Variants in ABCG1 observed in about 807,000 individuals in gnomAD.
The protein encoded by ABCG1 is ATP binding cassette subfamily G member 1, also known as ATP-binding cassette sub-family G member 1.
ABCG1 carries 29 observed loss-of-function variants against 69.2 expected under a neutral mutation model. The ratio of observed to expected loss-of-function variants is 0.42; its 90% CI spans 0.31 to 0.57. ABCG1 has a LOEUF of 0.57. Ranked by LOEUF, ABCG1 falls within the 20% of genes least tolerant of loss-of-function variation. ABCG1 has a pLI of 0.15. For synonymous variants in ABCG1, 370 were observed against 374.8 expected (o/e 0.99, Z 0.15); for missense variants, 718 against 898.1 (o/e 0.80, Z 2.56).
At chr21:42,246,250 T>C (rs1424283165) in intron 2 of ABCG1, among the ~76,000 whole-genome samples, 1 of 152,240 alleles carries the variant, frequency 6.6e-6, no homozygotes, top group African/African-American at 2.4e-5. Context: ...GCTGTAGATA[T>C]AAAGCCATTT....
intron 13 of ABCG1, among the ~76,000 whole-genome samples, chr21:42,293,326 A>G (rs1454731856): frequency 1.1e-4 from 15 of 139,052 alleles, no homozygotes; most frequent in African/African-American, 2.7e-4. Flanking sequence ...AGTACACACT[A>G]CACACCACAC....
At position 42,294,477 on chromosome 21, in the gene ABCG1, G is replaced by A; in HGVS notation, c.1654-65G>A. 3 of 1,345,932 alleles carry A rather than the reference G, an allele frequency of 2.2e-6. No homozygotes were observed. In the South Asian group the frequency reaches 3.5e-5, roughly 16 times the overall value. 83.4% of individuals were successfully genotyped at this position (1,345,932 alleles called of 1,614,324 possible). A position where few individuals can be genotyped will look rare whatever the true frequency, so the allele number is the denominator to read the frequency against. ...GCCCGGGGGAAGCTGGCGTGGGCGA[G>A]CCTCCTCTGCAGGAGGCCAGGCTGC... On this transcript the variant is annotated intron_variant, in intron 13 of 14. Coordinates refer to ENST00000398449, the MANE Select transcript of ABCG1 (RefSeq NM_016818.3).
At chr21:42,216,182 T>C (rs753569532), upstream of ABCG1, 16 of 450,106 alleles carry the variant, frequency 3.6e-5, no homozygotes, top group Non-Finnish European at 6.2e-5. Flanking sequence ...CCCAGCCACA[T>C]GGAACTGTGA....
chr21:42,248,353 G>A (rs2068164871), intron 2 of ABCG1, among the ~76,000 whole-genome samples: 1 of 152,186 alleles, frequency 6.6e-6, no homozygotes, highest in Non-Finnish European at 1.5e-5. Flanking sequence ...GTGGAGGGAA[G>A]CGAAGTGAAG....
chr21:42,286,640 T>A (rs2068945497), intron 8 of ABCG1, among the ~76,000 whole-genome samples: 1 of 151,732 alleles, frequency 6.6e-6, no homozygotes, highest in South Asian at 2.1e-4. Flanking sequence ...CAAGGAAGAG[T>A]AACAGATCAG....
At chr21:42,229,973 T>C (rs952954817) in intron 2 of ABCG1, among the ~76,000 whole-genome samples, 1 of 152,208 alleles carries the variant, frequency 6.6e-6, no homozygotes, top group African/African-American at 2.4e-5. Flanking sequence ...AAACGCAACA[T>C]ACAACGCCCT....
At chr21:42,284,419 C>A in intron 6 of ABCG1, 141 bp from the exon 7 acceptor site, 1 of 1,026,568 alleles carries the variant, frequency 9.7e-7, no homozygotes, top group Non-Finnish European at 1.4e-6. Flanking sequence ...AAGAGCAGAG[C>A]CCGGCCTGGG....
intron 2 of ABCG1, among the ~76,000 whole-genome samples, chr21:42,210,630 T>A (rs1337628418): frequency 1.3e-5 from 2 of 152,258 alleles, no homozygotes. Context: ...TAACTTAATC[T>A]ATGAAATATC....
At chr21:42,263,058 G>C (rs1236684561) in intron 2 of ABCG1, among the ~76,000 whole-genome samples, 7 of 152,236 alleles carry the variant, frequency 4.6e-5, no homozygotes, top group Non-Finnish European at 8.8e-5. Flanking sequence ...CCTAGGTGTT[G>C]ACAGTTGACA....
intron 2 of ABCG1, among the ~76,000 whole-genome samples, chr21:42,267,413 G>A (rs1054892417): frequency 6.6e-6 from 1 of 151,620 alleles, no homozygotes; most frequent in South Asian, 2.1e-4. Flanking sequence ...TTCTTTCTGG[G>A]TCTGATCTGG....
chr21:42,272,800 CA>C (rs1387395629), intron 3 of ABCG1, among the ~76,000 whole-genome samples: 1 of 152,250 alleles, frequency 6.6e-6, no homozygotes, highest in African/African-American at 2.4e-5. Context: ...AAGGGCCATC[CA>C]CTCGGCTGAG....
chr21:42,210,702 G>A (rs1457081456), intron 2 of ABCG1, among the ~76,000 whole-genome samples: 1 of 151,528 alleles, frequency 6.6e-6, no homozygotes, highest in Non-Finnish European at 1.5e-5. Context: ...TAGCTTCCAG[G>A]CATCTGCCGC....
At chr21:42,211,752 G>A (rs183617603), upstream of ABCG1, among the ~76,000 whole-genome samples, 349 of 152,070 alleles carry the variant, frequency 2.3e-3, 2 homozygotes, top group African/African-American at 7.6e-3. Context: ...AGCTGGGCAC[G>A]GTGGCATGCG....
chr21:42,256,235 C>T (rs1003207755), intron 2 of ABCG1: 62 of 1,458,168 alleles, frequency 4.3e-5, no homozygotes, highest in Admixed American at 1.8e-4. Context: ...AAGAAAGATG[C>T]TAGCAGTGCA....
chr21:42,288,027 C>G lies in ABCG1; in HGVS notation c.1112C>G (p.Pro371Arg), dbSNP rs1193709806. ...AEVNPFLWHR[P>R]SEEDSSSMEG... ...GTGAACCCTTTTCTTTGGCACCGGCCCTCTGAAGAGGTAAAGCAGACAAAA... is the reference window on the plus strand; with the variant it reads ...GTGAACCCTTTTCTTTGGCACCGGCGCTCTGAAGAGGTAAAGCAGACAAAA... The change falls in exon 9 of 15, where the codon CCC (proline) becomes CGC (arginine). Residue 371 changes from proline (P) to arginine (R), a missense_variant. Physicochemically the swap from Pro to Arg is moderately radical, Grantham distance 103 (BLOSUM62 -2). Transcript: ENST00000398449. This position sits in a 1 kb window ranked among gnomAD's most constrained non-coding sequence, Gnocchi z 4.8. 1 of 1,610,660 alleles carries G rather than the reference C, an allele frequency of 6.2e-7. No homozygotes were observed. The highest frequency in any genetic ancestry group is 1.3e-5 in the African/African-American group (1 of 74,910).
chr21:42,212,489 T>A (rs1157394040), upstream of ABCG1, among the ~76,000 whole-genome samples: 1 of 152,104 alleles, frequency 6.6e-6, no homozygotes, highest in Non-Finnish European at 1.5e-5. Context: ...AGGAACGTGT[T>A]ACTGGAAACG....
chr21:42,234,846 C>A (rs1290672959), intron 2 of ABCG1, among the ~76,000 whole-genome samples: 2 of 151,248 alleles, frequency 1.3e-5, no homozygotes, highest in African/African-American at 4.8e-5. Context: ...CGCTGCCGCG[C>A]GTGTGCAGCG....
chr21:42,286,040 C>G (rs747092415), intron 8 of ABCG1, 46 bp downstream of exon 8: 1 of 1,369,262 alleles, frequency 7.3e-7, no homozygotes, highest in Non-Finnish European at 1.0e-6. Flanking sequence ...GGGGATTTTC[C>G]TCCTCTGTGG....
chr21:42,207,142 T>G (rs889653825), intron 2 of ABCG1, among the ~76,000 whole-genome samples: 6 of 152,198 alleles, frequency 3.9e-5, no homozygotes, highest in African/African-American at 1.4e-4. Context: ...TATCTTTTGG[T>G]AAGTTTGAGA....
Sources: allele counts gnomAD v4.1 joint callset (sites outside exome capture counted in the v4.1 genomes callset), GRCh38; gene constraint gnomAD v4.1.1; non-coding constraint Gnocchi (gnomAD v3.1); transcripts MANE v1.5; gene names NCBI Gene and HGNC (gene_info 2026-07-23, HGNC 2026-07-21).